RELL1: variants seen among roughly 807,000 people sequenced by gnomAD.
RELL1 encodes RELT-like protein 1.
A neutral mutation model predicts 23.0 loss-of-function variants in RELL1; 10 were observed. The ratio of observed to expected loss-of-function variants is 0.43; its 90% CI spans 0.27 to 0.74. The LOEUF (loss-of-function observed/expected upper bound fraction) is 0.74, where lower values mean the gene tolerates loss of function less well. Among genes scored for constraint, RELL1 ranks in the 30% least tolerant of loss-of-function variants. The pLI is 0.19. For synonymous variants in RELL1, 146 were observed against 146.8 expected (o/e 0.99, Z 0.04); for missense variants, 315 against 364.4 (o/e 0.86, Z 1.10).
intron 1 of RELL1, among the ~76,000 whole-genome samples, chr4:37,685,141 G>A (rs1722357658): frequency 6.6e-6 from 1 of 152,182 alleles, no homozygotes; most frequent in Non-Finnish European, 1.5e-5. Flanking sequence ...TGCTAAGTCA[G>A]TGTAAAAGTT....
rs768343574 is a variant in RELL1 at position 37,686,189 on chromosome 4, C to A, written c.88+11G>T. Reference sequence around the variant, plus strand: ...CAGCACCCGGCGCCCCGGCTACGACCGGACACTCACCCGGAGCCACCAGCG... The same window carrying A: ...CAGCACCCGGCGCCCCGGCTACGACAGGACACTCACCCGGAGCCACCAGCG... On this transcript the variant is annotated intron_variant, in intron 1 of 6. Coordinates refer to ENST00000454158, the MANE Select transcript of RELL1 (RefSeq NM_001085400.2). 1.7e-5 allele frequency: 27 copies of A among 1,574,480 alleles called. No individual in the cohort carries two copies. In the East Asian group the frequency reaches 6.2e-4, roughly 36 times the overall value.
chr4:37,632,137 C>T (rs17577515), intron 5 of RELL1, among the ~76,000 whole-genome samples: 4,035 of 137,484 alleles, frequency 0.029, 184 homozygotes, highest in East Asian at 0.24. Context: ...TATTAAACAG[C>T]GTCAGAGTTG....
chr4:37,604,802 CACACACAGACACACACACAG>C (rs1719114827), intron 6 of RELL1, among the ~76,000 whole-genome samples: 19 of 134,142 alleles, frequency 1.4e-4, no homozygotes, highest in African/African-American at 5.1e-4. Flanking sequence ...CACACAGACA[CACACACAGACACACACACAG>C]ACACACACAT....
intron 1 of RELL1, among the ~76,000 whole-genome samples, chr4:37,670,522 A>T (rs1056611836): frequency 3.9e-5 from 6 of 152,212 alleles, no homozygotes; most frequent in Non-Finnish European, 8.8e-5. Context: ...ACACAATGTA[A>T]ACACATAAAT....
At chr4:37,643,291 C>T (rs1423042394) in intron 3 of RELL1, among the ~76,000 whole-genome samples, 8 of 152,190 alleles carry the variant, frequency 5.3e-5, no homozygotes, top group Admixed American at 2.0e-4. Flanking sequence ...GTTTGCCCAG[C>T]AGGTCAGCTG....
chr4:37,656,878 A>G (rs73147230), intron 1 of RELL1, among the ~76,000 whole-genome samples: 13,114 of 152,260 alleles, frequency 0.086, 652 homozygotes, highest in African/African-American at 0.099. Context: ...TGGACTTCCC[A>G]TCCTCCAGAA....
At chr4:37,622,799 C>CTTTT (rs763432060) in intron 6 of RELL1, 345 of 391,556 alleles carry the variant, frequency 8.8e-4, no homozygotes, top group Middle Eastern at 2.6e-3. Flanking sequence ...TCAAGTAATG[C>CTTTT]TTTTTTTTTT....
At chr4:37,625,976 C>T (rs1719922807) in intron 6 of RELL1, among the ~76,000 whole-genome samples, 1 of 151,086 alleles carries the variant, frequency 6.6e-6, no homozygotes, top group Non-Finnish European at 1.5e-5. Flanking sequence ...AAATGGCCAA[C>T]AAATATATGA....
In RELL1 at chr4:37,612,342, A is replaced by AAAAAAC. The variant is rs1560328415; in HGVS notation, c.*1003_*1004insGTTTTT. ...AAGGTTAAAAAAAAAAAAAAAACAA[A>AAAAAAC]AAAAAACAAAAAACCGGGTGCAGTG... On this transcript the variant is annotated 3_prime_UTR_variant, in exon 7 of 7. Transcript: ENST00000454158. 6.8e-5 allele frequency among the ~76,000 whole-genome samples: 9 copies of AAAAAAC among 131,848 alleles called. No individual in the cohort carries two copies. The highest frequency in any genetic ancestry group is 2.0e-4 in the African/African-American group (7 of 34,762). 86.5% of individuals were successfully genotyped at this position (131,848 alleles called of 152,430 possible).
At chr4:37,651,987 G>A (rs572990861) in intron 1 of RELL1, among the ~76,000 whole-genome samples, 1 of 152,344 alleles carries the variant, frequency 6.6e-6, no homozygotes, top group Non-Finnish European at 1.5e-5. Flanking sequence ...ACGCCAGCGT[G>A]GCCAAGCAGG....
At chr4:37,674,642 T>A (rs1355986538) in intron 1 of RELL1, among the ~76,000 whole-genome samples, 1 of 152,220 alleles carries the variant, frequency 6.6e-6, no homozygotes, top group Non-Finnish European at 1.5e-5. Flanking sequence ...CAGCTGTTTT[T>A]TATAAAGTGG....
chr4:37,592,676 T>C (rs1263773790), intron 6 of RELL1, among the ~76,000 whole-genome samples: 1 of 152,082 alleles, frequency 6.6e-6, no homozygotes, highest in Non-Finnish European at 1.5e-5. Flanking sequence ...CTGAACTTCA[T>C]TTGATTTCCA....
intron 6 of RELL1, among the ~76,000 whole-genome samples, chr4:37,620,461 T>C (rs1719727761): frequency 6.6e-6 from 1 of 152,204 alleles, no homozygotes; most frequent in Non-Finnish European, 1.5e-5. Flanking sequence ...GTAACTGACA[T>C]CAAAAGTTAT....
At chr4:37,683,803 C>T (rs1476308378) in intron 1 of RELL1, among the ~76,000 whole-genome samples, 2 of 143,406 alleles carry the variant, frequency 1.4e-5, no homozygotes, top group East Asian at 2.2e-4. Context: ...AAAATGCGGC[C>T]GGGCGCGGTG....
chr4:37,604,900 G>GAC (rs1483293891), intron 6 of RELL1, among the ~76,000 whole-genome samples: 43 of 65,616 alleles, frequency 6.6e-4, no homozygotes, highest in African/African-American at 1.6e-3. Flanking sequence ...CACACACACA[G>GAC]ACACACACAC....
chr4:37,666,980 G>A (rs778036973), intron 1 of RELL1, among the ~76,000 whole-genome samples: 25 of 152,152 alleles, frequency 1.6e-4, no homozygotes, highest in Non-Finnish European at 2.8e-4. Flanking sequence ...GATCTGTCCC[G>A]GCTGAAGTCC....
chr4:37,587,356 A>T (rs61476144), downstream of RELL1, among the ~76,000 whole-genome samples: 135 of 152,234 alleles, frequency 8.9e-4, 1 homozygote, highest in African/African-American at 3.2e-3. Context: ...GGTTCCAGGG[A>T]TTAGGATGTG....
intron 6 of RELL1, among the ~76,000 whole-genome samples, chr4:37,626,558 A>T (rs1387663710): frequency 6.6e-6 from 1 of 152,190 alleles, no homozygotes; most frequent in African/African-American, 2.4e-5. Flanking sequence ...GAGGTACTGA[A>T]ATCAGTATGT....
rs1325031907 is a variant in RELL1, at chr4:37,612,142, A to T, written c.*1204T>A. 1.5e-5 allele frequency among the ~76,000 whole-genome samples: 2 copies of T among 134,782 alleles called. No individual in the cohort carries two copies. The highest frequency in any genetic ancestry group is 3.1e-5 in the Non-Finnish European group (2 of 65,568). The allele number at this position is 134,782 out of a possible 152,430, so 88.4% of individuals were successfully genotyped here. A position where few individuals can be genotyped will look rare whatever the true frequency, so the allele number is the denominator to read the frequency against. ...CAGTGAGCTGAGATCGTGCCACTGC[A>T]CTCCAGCCTGGGCGACAGAGCGAGA... On this transcript the variant is annotated 3_prime_UTR_variant, in exon 7 of 7. Coordinates refer to ENST00000454158, the MANE Select transcript of RELL1 (RefSeq NM_001085400.2).
Sources: gnomAD v4.1 joint callset for allele counts (sites outside exome capture counted in the v4.1 genomes callset) on GRCh38, gnomAD v4.1.1 for gene constraint, MANE v1.5 for transcripts, NCBI Gene and HGNC (gene_info 2026-07-23, HGNC 2026-07-21) for gene names.